HAGH: variants seen among roughly 807,000 people sequenced by gnomAD.
HAGH encodes hydroxyacylglutathione hydrolase, mitochondrial.
In HAGH, 29 loss-of-function variants were observed where a neutral mutation model predicts 35.1. That is an observed-to-expected ratio of 0.83 (90% CI 0.62 to 1.13). HAGH has a LOEUF of 1.13. HAGH is among the 50% of genes most tolerant of loss of function. HAGH has a pLI of 0.00. For synonymous variants in HAGH, 225 were observed against 176.1 expected (o/e 1.28, Z -2.20); for missense variants, 478 against 419.6 (o/e 1.14, Z -1.22).
In HAGH at chr16:1,808,764, C is replaced by CA; in HGVS notation, c.*518_*519insT. 6.5e-6 allele frequency: 1 copy of CA among 152,876 alleles called. No individual in the cohort carries two copies. The highest frequency in any genetic ancestry group is 1.9e-4 in the East Asian group (1 of 5,172). The allele number at this position is 152,876 out of a possible 1,614,324, so 9.5% of individuals were successfully genotyped here. ...CCCAGCTGGCTGCTTCCCCAGAGGG[C>CA]GGTTTGTGCTTTCTCAAGCAGAGGC... On this transcript the variant is annotated 3_prime_UTR_variant, in exon 9 of 9. Transcript: ENST00000397356.
intron 1 of HAGH, among the ~76,000 whole-genome samples, chr16:1,824,219 C>CAAA (rs1167533010): frequency 7.1e-5 from 10 of 140,020 alleles, no homozygotes; most frequent in South Asian, 6.6e-4. Flanking sequence ...GAGACAGTCT[C>CAAA]AAAAAAAAAA....
Position 1,808,122 on chromosome 16 carries a change from T to C in HAGH, c.*1161A>G, listed in dbSNP as rs1015662843. The C allele has an allele frequency of 6.6e-6, 1 of 152,086 alleles. No homozygotes were observed. Among genetic ancestry groups the C allele is most frequent in the African/African-American group, 2.4e-5 (1 of 41,408 alleles). 9.4% of individuals were successfully genotyped at this position (152,086 alleles called of 1,614,324 possible). On this transcript the variant is annotated 3_prime_UTR_variant, in exon 9 of 9. Transcript: ENST00000397356. ...CCACTCAACTGCATGATTAATTAATTTCTTTGAGACAGGGTCTCCCTGTTC... is the reference window on the plus strand; with the variant it reads ...CCACTCAACTGCATGATTAATTAATCTCTTTGAGACAGGGTCTCCCTGTTC...
In HAGH at chr16:1,809,005, G is replaced by A. The variant is rs1471541835; in HGVS notation, c.*278C>T. 2 of 444,638 alleles carry A rather than the reference G, an allele frequency of 4.5e-6. No individual in the cohort carries two copies. Among genetic ancestry groups the A allele is most frequent in the East Asian group, 7.3e-5 (2 of 27,332 alleles). 27.5% of individuals were successfully genotyped at this position (444,638 alleles called of 1,614,324 possible). On this transcript the variant is annotated 3_prime_UTR_variant, in exon 9 of 9. Transcript: ENST00000397356. ...CACCGGCTCACGCCTGACCTGAAGCGTGGGTGGGGGGACTGCAGTGGCTCA... is the reference window on the plus strand; with the variant it reads ...CACCGGCTCACGCCTGACCTGAAGCATGGGTGGGGGGACTGCAGTGGCTCA...
chr16:1,823,984 C>T (rs1393356394), intron 1 of HAGH, among the ~76,000 whole-genome samples: 1 of 152,236 alleles, frequency 6.6e-6, no homozygotes, highest in East Asian at 1.9e-4. Flanking sequence ...GAAGGGAACA[C>T]AGACTAGGGG....
rs200743955 is a variant in HAGH at position 1,819,124 on chromosome 16, C to T, written c.532G>A (p.Val178Met). The T allele has an allele frequency of 2.2e-5, 36 of 1,604,680 alleles. No homozygotes were observed. The highest frequency in any genetic ancestry group is 6.7e-5 in the Admixed American group (4 of 59,964). Residue 178 changes from valine (V) to methionine (M), a missense_variant, in exon 5 of 9, where the codon GTG (valine) becomes ATG (methionine). Val to Met is a conservative substitution (Grantham distance 21). Transcript: ENST00000397356. ...ACACTCGAACACGCACCTGTGAACA[C>T]GGCAGGGGGCTCCGAGCCTCCGGGC... Reference protein sequence around the residue: ...SKPGGSEPPAVFTGDTLFVAG... With the variant: ...SKPGGSEPPAMFTGDTLFVAG...
At chr16:1,823,788 T>C (rs919578319) in intron 1 of HAGH, among the ~76,000 whole-genome samples, 1 of 139,594 alleles carries the variant, frequency 7.2e-6, no homozygotes, top group Non-Finnish European at 1.5e-5. Context: ...TATCTTCATA[T>C]ATCCCTGAGG....
chr16:1,814,040 C>G (rs1309731406), intron 7 of HAGH, among the ~76,000 whole-genome samples: 1 of 152,194 alleles, frequency 6.6e-6, no homozygotes, highest in Non-Finnish European at 1.5e-5. Context: ...ACACAAACAC[C>G]ATCTTGAAAG....
intron 5 of HAGH, among the ~76,000 whole-genome samples, chr16:1,817,802 G>C (rs990175153): frequency 1.3e-5 from 2 of 152,202 alleles, no homozygotes; most frequent in African/African-American, 4.8e-5. Context: ...TCACTGCCCA[G>C]GCCTCTGTCC....
At position 1,816,932 on chromosome 16, in the gene HAGH, G is replaced by A. The variant is rs201539587; in HGVS notation, c.708C>T (p.Pro236=). The change falls in exon 7 of 9, where the codon CCC becomes CCT. Residue 236 remains proline (P), a synonymous_variant. Transcript: ENST00000397356. ...NNLKFARHVE[P]GNAAIREKLA... is the part of the protein sequence containing the mutation. ...GCTTCTCCCGGATGGCGGCATTGCC[G>A]GGCTCCACGTGGCGTGCAAACTTGA... 38 of 1,613,856 alleles carry A rather than the reference G, an allele frequency of 2.4e-5. No individual in the cohort carries two copies. Among genetic ancestry groups the A allele is most frequent in the Admixed American group, 1.2e-4 (7 of 60,032 alleles).
intron 5 of HAGH, chr16:1,818,781 C>T (rs906796594): frequency 2.3e-5 from 7 of 298,228 alleles, no homozygotes; most frequent in Admixed American, 9.6e-5. Flanking sequence ...GTCCACACTA[C>T]GGCATCAAGG....
In HAGH at chr16:1,817,248, AG is replaced by A; in HGVS notation, c.564del (p.Cys189AlafsTer85). On this transcript the variant is annotated frameshift_variant, in exon 6 of 9. Coordinates refer to ENST00000397356, the MANE Select transcript of HAGH (RefSeq NM_005326.6). LOFTEE classifies it high-confidence loss of function. ...GCAGTCCCTTCATAGAACTTCCCGC[AG>A]CCAGCCACAAACAAGGTGTCACCTG... ...VFTGDTLFVAGCGKFYEGTAD... is the reference protein window; with the variant it reads ...VFTGDTLFVAXCGKFYEGTAD... 6.2e-7 allele frequency: 1 copy of A among 1,612,868 alleles called. No individual in the cohort carries two copies.
At chr16:1,818,929 C>A (rs909084424) in intron 5 of HAGH, 186 bp downstream of exon 5, 10 of 584,290 alleles carry the variant, frequency 1.7e-5, no homozygotes, top group Admixed American at 6.0e-5. Flanking sequence ...TCCTTCCAGA[C>A]CACGATCCAA....
rs762387972 is a variant in HAGH at position 1,817,236 on chromosome 16, A to G, written c.577T>C (p.Tyr193His). 1.9e-6 allele frequency: 3 copies of G among 1,613,586 alleles called. No homozygotes were observed. The South Asian group carries it at 3.3e-5, about 18-fold the overall frequency. ...TLFVAGCGKF[Y>H]EGTADEMCKA... ...CACATCTCATCCGCAGTCCCTTCAT[A>G]GAACTTCCCGCAGCCAGCCACAAAC... The change falls in exon 6 of 9, where the codon TAT (tyrosine) becomes CAT (histidine). Residue 193 changes from tyrosine to histidine, a missense_variant. Tyr to His is a moderately conservative substitution (Grantham distance 83, BLOSUM62 2). Coordinates refer to ENST00000397356, the MANE Select transcript of HAGH (RefSeq NM_005326.6).
intron 1 of HAGH, 31 bp downstream of exon 1, chr16:1,826,681 C>A: frequency 1.0e-6 from 1 of 988,936 alleles, no homozygotes; most frequent in South Asian, 4.5e-5. Flanking sequence ...AGGCCCGCGT[C>A]CCCCGGCCCG....
At chr16:1,825,370 G>A (rs1898352845) in intron 1 of HAGH, among the ~76,000 whole-genome samples, 2 of 152,170 alleles carry the variant, frequency 1.3e-5, no homozygotes, top group Admixed American at 6.5e-5. Context: ...TGACAACCCA[G>A]GGAGGTGCCT....
chr16:1,823,252 C>G (rs1470252930), intron 1 of HAGH, among the ~76,000 whole-genome samples: 1 of 150,170 alleles, frequency 6.7e-6, no homozygotes, highest in Non-Finnish European at 1.5e-5. Flanking sequence ...GGCAACATAG[C>G]AAGACCTTGT....
At chr16:1,824,110 T>C (rs1898284417) in intron 1 of HAGH, among the ~76,000 whole-genome samples, 1 of 152,008 alleles carries the variant, frequency 6.6e-6, no homozygotes. Flanking sequence ...GAACCAATAC[T>C]TGACGGCAGG....
At chr16:1,819,491 C>T (rs1898050207) in intron 4 of HAGH, among the ~76,000 whole-genome samples, 1 of 152,248 alleles carries the variant, frequency 6.6e-6, no homozygotes. Flanking sequence ...CCACGCTCGC[C>T]GTCTGGCTAG....
chr16:1,816,214 T>TA (rs796466016), intron 7 of HAGH, among the ~76,000 whole-genome samples: 17,464 of 133,930 alleles, frequency 0.13, 1,309 homozygotes, highest in South Asian at 0.2. Context: ...AAAAAAAAAT[T>TA]AAAAAAAAAA....
Sources: allele counts gnomAD v4.1 joint callset (sites outside exome capture counted in the v4.1 genomes callset), GRCh38; gene constraint gnomAD v4.1.1; transcripts MANE v1.5; gene names NCBI Gene and HGNC (gene_info 2026-07-23, HGNC 2026-07-21).